SFXN2: variants seen among roughly 807,000 people sequenced by gnomAD.
SFXN2 encodes sideroflexin-2.
SFXN2 carries 37 observed loss-of-function variants against 41.9 expected under a neutral mutation model. That is an observed-to-expected ratio of 0.88 (90% CI 0.68 to 1.16). The LOEUF is 1.16. Among genes scored for constraint, SFXN2 ranks in the 50% most tolerant of loss-of-function variants. The pLI is 0.00. For missense variants in SFXN2, 386 were observed against 425.2 expected (o/e 0.91, Z 0.81); for synonymous variants, 150 against 156.7 (o/e 0.96, Z 0.32).
chr10:102,721,984 A>G (rs1366000442), intron 1 of SFXN2, among the ~76,000 whole-genome samples: 1 of 152,150 alleles, frequency 6.6e-6, no homozygotes, highest in East Asian at 1.9e-4. Flanking sequence ...ACGTGGGTTC[A>G]TTTGAGCCCT....
chr10:102,717,521 A>G (rs947705516), intron 1 of SFXN2, among the ~76,000 whole-genome samples: 3 of 152,142 alleles, frequency 2.0e-5, no homozygotes, highest in African/African-American at 7.2e-5. Context: ...GTGGGACCAT[A>G]CAGAAGTGGG....
chr10:102,718,440 ACT>A (rs569820988), intron 1 of SFXN2, among the ~76,000 whole-genome samples: 49 of 152,292 alleles, frequency 3.2e-4, no homozygotes, highest in African/African-American at 1.1e-3. Context: ...GGGAAAGTGA[ACT>A]CTTTCCCCTC....
In SFXN2 at chr10:102,743,092, G is replaced by C. The variant is rs984196985; in HGVS notation, c.*5330G>C. On this transcript the variant is annotated 3_prime_UTR_variant, in exon 12 of 12. Coordinates refer to ENST00000369893, the MANE Select transcript of SFXN2 (RefSeq NM_178858.6). ...CGAAGTCACAGAGAGGACCGTGTTG[G>C]GAAGTTTGGACTCTCTATTCTGTAG... 6.6e-6 allele frequency: 1 copy of C among 152,220 alleles called. No individual in the cohort carries two copies. The highest frequency in any genetic ancestry group is 1.5e-5 in the Non-Finnish European group (1 of 68,046). 9.4% of individuals were successfully genotyped at this position (152,220 alleles called of 1,614,324 possible).
intron 11 of SFXN2, among the ~76,000 whole-genome samples, chr10:102,737,319 C>T (rs1287883310): frequency 1.3e-5 from 2 of 151,974 alleles, no homozygotes; most frequent in Non-Finnish European, 2.9e-5. Flanking sequence ...GTGACTGACC[C>T]CAGGAGACAA....
At chr10:102,715,740 T>C (rs2064400688) in intron 1 of SFXN2, among the ~76,000 whole-genome samples, 1 of 150,810 alleles carries the variant, frequency 6.6e-6, no homozygotes, top group African/African-American at 2.4e-5. Flanking sequence ...AGCCCAGGAG[T>C]TGGAGACCAG....
At chr10:102,716,985 G>T (rs887861950) in intron 1 of SFXN2, among the ~76,000 whole-genome samples, 4 of 152,128 alleles carry the variant, frequency 2.6e-5, no homozygotes, top group Non-Finnish European at 5.9e-5. Context: ...TCTGCTGCAA[G>T]CGCTTAGTGC....
In SFXN2 at chr10:102,727,000, C is replaced by T; in HGVS notation, c.175C>T (p.Pro59Ser). The change falls in exon 3 of 12, where the codon CCC becomes TCC. Residue 59 changes from proline (P) to serine (S), a missense_variant. Physicochemically the swap from Pro to Ser is moderately conservative, Grantham distance 74 (BLOSUM62 -1). Transcript: ENST00000369893. ...CTTGGGTGGCAGGATGGGGGTTGTG[C>T]CCCCAGGCACCCAAGTGGAGCAGCT... ...MVEKSRMGVV[P>S]PGTQVEQLLY... 1.3e-6 allele frequency: 2 copies of T among 1,597,850 alleles called. No individual in the cohort carries two copies. The highest frequency in any genetic ancestry group is 1.3e-5 in the African/African-American group (1 of 74,768).
At chr10:102,728,683 G>A in intron 4 of SFXN2, 154 bp downstream of exon 4, 1 of 631,190 alleles carries the variant, frequency 1.6e-6, no homozygotes, top group Non-Finnish European at 2.8e-6. Flanking sequence ...CTCAAGCTGA[G>A]TAGGGGTGGA....
At chr10:102,733,403 C>T in intron 9 of SFXN2, 151 bp from the exon 10 acceptor site, 6 of 630,060 alleles carry the variant, frequency 9.5e-6, no homozygotes, top group East Asian at 2.8e-5. Context: ...CCATCTCGGT[C>T]TCCCAAAGTG....
rs35068349 is a variant in SFXN2 at position 102,726,989 on chromosome 10, TG to T, written c.169del (p.Val57LeufsTer30). ...WAKVMVEKSRMGVVPPGTQVE... is the reference protein window; with the variant it reads ...WAKVMVEKSRXGVVPPGTQVE... The stretch of plus-strand genomic sequence containing the variant: ...TGCCTGCTGTCCTTGGGTGGCAGGA[TG>T]GGGGTTGTGCCCCCAGGCACCCAAG... On this transcript the variant is annotated frameshift_variant, in exon 3 of 12. Transcript: ENST00000369893. LOFTEE classifies it high-confidence loss of function. The T allele has an allele frequency of 6.3e-7, 1 of 1,596,364 alleles. No individual in the cohort carries two copies. Among genetic ancestry groups the T allele is most frequent in the Non-Finnish European group, 8.6e-7 (1 of 1,166,060 alleles).
chr10:102,729,616 G>A (rs975172808), intron 5 of SFXN2, 107 bp from the exon 6 acceptor site: 2 of 1,244,220 alleles, frequency 1.6e-6, no homozygotes, highest in African/African-American at 1.5e-5. Context: ...TGGATGTGTG[G>A]CGGTAGCAAG....
At chr10:102,724,097 G>A (rs1029618099) in intron 1 of SFXN2, among the ~76,000 whole-genome samples, 2 of 148,630 alleles carry the variant, frequency 1.3e-5, no homozygotes, top group African/African-American at 5.2e-5. Context: ...ACTTATAAAT[G>A]TGATATTTGG....
At chr10:102,719,099 A>G (rs2064463513) in intron 1 of SFXN2, among the ~76,000 whole-genome samples, 1 of 143,736 alleles carries the variant, frequency 7.0e-6, no homozygotes. Context: ...AATTTTTTGT[A>G]TTTTTAGTAG....
At chr10:102,717,885 C>A in intron 1 of SFXN2, 3 of 736,264 alleles carry the variant, frequency 4.1e-6, no homozygotes, top group African/African-American at 1.9e-5. Context: ...GGGAGGCAGA[C>A]TTTACACAAA....
chr10:102,732,119 C>A, intron 7 of SFXN2, 33 bp from the exon 8 acceptor site: 2 of 1,600,598 alleles, frequency 1.2e-6, no homozygotes, highest in Non-Finnish European at 1.7e-6. Context: ...CTGGATACAT[C>A]ATTTCTGACA....
intron 11 of SFXN2, among the ~76,000 whole-genome samples, chr10:102,736,704 C>A (rs908561044): frequency 1.3e-5 from 2 of 151,904 alleles, no homozygotes; most frequent in African/African-American, 2.4e-5. Flanking sequence ...CGTGAGCCAC[C>A]GCGCCTGGCC....
At chr10:102,737,273 A>T (rs2064793438) in intron 11 of SFXN2, among the ~76,000 whole-genome samples, 1 of 152,172 alleles carries the variant, frequency 6.6e-6, no homozygotes, top group Non-Finnish European at 1.5e-5. Context: ...GGGATGATGG[A>T]AAAGGGAAGG....
chr10:102,739,806 G>C lies in SFXN2; in HGVS notation c.*2044G>C, dbSNP rs186275439. ...CATACACCTGTAATCCCAGCTACTC[G>C]GGGGGCTGAGACTGGAGAATCACTT... On this transcript the variant is annotated 3_prime_UTR_variant, in exon 12 of 12. Transcript: ENST00000369893. The C allele has an allele frequency of 6.6e-6, 1 of 152,082 alleles. No individual in the cohort carries two copies. The highest frequency in any genetic ancestry group is 1.5e-5 in the Non-Finnish European group (1 of 68,056). 9.4% of individuals were successfully genotyped at this position (152,082 alleles called of 1,614,324 possible).
chr10:102,728,474 T>C lies in SFXN2; in HGVS notation c.376T>C (p.Phe126Leu), dbSNP rs2064644654. 6.2e-7 allele frequency: 1 copy of C among 1,613,954 alleles called. No homozygotes were observed. Among genetic ancestry groups the C allele is most frequent in the Non-Finnish European group, 8.5e-7 (1 of 1,179,924 alleles). ...CTTCTGGCAGTGGGTGAACCAGTCC[T>C]TCAATGCCTTAGTCAACTACACCAA... ...VIFWQWVNQSFNALVNYTNRN... is the reference protein window; with the variant it reads ...VIFWQWVNQSLNALVNYTNRN... The change falls in exon 4 of 12, where the codon TTC becomes CTC. Residue 126 changes from phenylalanine (F) to leucine (L), a missense_variant. Transcript: ENST00000369893.
Sources: gnomAD v4.1 joint callset for allele counts (sites outside exome capture counted in the v4.1 genomes callset) on GRCh38, gnomAD v4.1.1 for gene constraint, MANE v1.5 for transcripts, NCBI Gene and HGNC (gene_info 2026-07-23, HGNC 2026-07-21) for gene names.